Variants in NOL4 observed in about 807,000 individuals in gnomAD.
NOL4 encodes nucleolar protein 4, also known as cancer/testis antigen 125.
A neutral mutation model predicts 75.9 loss-of-function variants in NOL4; 17 were observed. The ratio of observed to expected loss-of-function variants is 0.22; its 90% CI spans 0.15 to 0.34. The LOEUF (loss-of-function observed/expected upper bound fraction) is 0.34, where lower values mean the gene tolerates loss of function less well. Ranked by LOEUF, NOL4 falls within the 10% of genes least tolerant of loss-of-function variation. NOL4 has a pLI of 1.00. For synonymous variants in NOL4, 292 were observed against 289.9 expected (o/e 1.01, Z -0.07); for missense variants, 614 against 793.5 (o/e 0.77, Z 2.72).
intron 1 of NOL4, among the ~76,000 whole-genome samples, chr18:34,138,845 T>A (rs916418964): frequency 6.6e-6 from 1 of 152,138 alleles, no homozygotes; most frequent in Non-Finnish European, 1.5e-5. Flanking sequence ...TTTTGAGATA[T>A]GTCCCATCAA....
At chr18:33,971,700 G>A (rs2071076972) in intron 6 of NOL4, among the ~76,000 whole-genome samples, 1 of 151,992 alleles carries the variant, frequency 6.6e-6, no homozygotes, top group African/African-American at 2.4e-5. Context: ...AAGTAAACCG[G>A]GGCACTGTTC....
intron 8 of NOL4, among the ~76,000 whole-genome samples, chr18:33,943,708 T>G (rs1356133729): frequency 6.6e-6 from 1 of 151,950 alleles, no homozygotes; most frequent in Non-Finnish European, 1.5e-5. Flanking sequence ...AATTAAAAAC[T>G]AAAAAGTCAG....
At chr18:34,120,438 G>T (rs1430982189) in intron 2 of NOL4, among the ~76,000 whole-genome samples, 3 of 152,052 alleles carry the variant, frequency 2.0e-5, no homozygotes, top group Non-Finnish European at 4.4e-5. Context: ...AGTCATAAAT[G>T]GATTATGACA....
At chr18:33,876,390 T>A (rs1481328731) in intron 10 of NOL4, among the ~76,000 whole-genome samples, 1 of 152,060 alleles carries the variant, frequency 6.6e-6, no homozygotes, top group Non-Finnish European at 1.5e-5. Context: ...AAATCATATG[T>A]AAGGTTAGTT....
At chr18:33,973,640 T>G (rs896930549) in intron 6 of NOL4, among the ~76,000 whole-genome samples, 2 of 152,226 alleles carry the variant, frequency 1.3e-5, no homozygotes, top group Non-Finnish European at 2.9e-5. Context: ...AGCTGCAAAA[T>G]GGATGTTGGT....
At chr18:34,217,748 G>A (rs1380806536) in intron 1 of NOL4, among the ~76,000 whole-genome samples, 1 of 151,756 alleles carries the variant, frequency 6.6e-6, no homozygotes, top group Admixed American at 6.6e-5. Flanking sequence ...ACATGCTTGT[G>A]TGTATGTGTG....
At chr18:34,168,703 G>A (rs1157535439) in intron 1 of NOL4, among the ~76,000 whole-genome samples, 2 of 151,686 alleles carry the variant, frequency 1.3e-5, no homozygotes, top group Middle Eastern at 3.5e-3. Flanking sequence ...ACTACAATAT[G>A]GTAGGAGTCA....
At chr18:34,191,667 T>C (rs1371615400) in intron 1 of NOL4, among the ~76,000 whole-genome samples, 1 of 152,172 alleles carries the variant, frequency 6.6e-6, no homozygotes, top group African/African-American at 2.4e-5. Context: ...GAAATAACTT[T>C]CCTGAAAGCC....
chr18:33,869,044 A>G (rs1284438254), intron 10 of NOL4, among the ~76,000 whole-genome samples: 1 of 152,062 alleles, frequency 6.6e-6, no homozygotes, highest in Non-Finnish European at 1.5e-5. Flanking sequence ...GCTGCTTCCT[A>G]TCACTATCAA....
intron 6 of NOL4, among the ~76,000 whole-genome samples, chr18:33,986,990 G>C (rs1029562710): frequency 6.6e-6 from 1 of 152,100 alleles, no homozygotes; most frequent in African/African-American, 2.4e-5. Context: ...ACAAAAAACA[G>C]GTTAGTGATT....
intron 1 of NOL4, among the ~76,000 whole-genome samples, chr18:34,148,336 C>T (rs2081497974): frequency 6.6e-6 from 1 of 152,124 alleles, no homozygotes; most frequent in African/African-American, 2.4e-5. Context: ...TTACAGCTTT[C>T]TGCTGTGGGC....
At chr18:34,175,516 T>A (rs899895661) in intron 1 of NOL4, among the ~76,000 whole-genome samples, 2 of 152,136 alleles carry the variant, frequency 1.3e-5, no homozygotes, top group African/African-American at 4.8e-5. Flanking sequence ...TGTACAGATA[T>A]ATGTGCATGC....
chr18:34,122,510 T>C (rs541177787), intron 2 of NOL4, among the ~76,000 whole-genome samples: 1 of 152,308 alleles, frequency 6.6e-6, no homozygotes, highest in Admixed American at 6.5e-5. Context: ...ACCATCTTTC[T>C]AGTCACATTA....
intron 8 of NOL4, among the ~76,000 whole-genome samples, chr18:33,954,281 CCT>C (rs2069479454): frequency 6.6e-6 from 1 of 152,038 alleles, no homozygotes; most frequent in Non-Finnish European, 1.5e-5. Flanking sequence ...GGCACAATCC[CCT>C]TATTTTTTCC....
chr18:34,095,633 C>G (rs2078743312), intron 4 of NOL4, among the ~76,000 whole-genome samples: 1 of 151,918 alleles, frequency 6.6e-6, no homozygotes, highest in Non-Finnish European at 1.5e-5. Context: ...AGGGCGTGTA[C>G]TATATTTAAA....
At chr18:34,045,124 G>C (rs1290709547) in intron 5 of NOL4, among the ~76,000 whole-genome samples, 2 of 151,964 alleles carry the variant, frequency 1.3e-5, no homozygotes, top group Non-Finnish European at 2.9e-5. Flanking sequence ...TGTTGACCAG[G>C]CTGGTCTTGA....
At chr18:34,138,103 T>C (rs1399231731) in intron 1 of NOL4, among the ~76,000 whole-genome samples, 2 of 152,030 alleles carry the variant, frequency 1.3e-5, no homozygotes, top group Non-Finnish European at 2.9e-5. Context: ...ATGTAGAAAA[T>C]AGGCAAATGT....
chr18:34,103,370 G>A (rs1454336997), intron 4 of NOL4, among the ~76,000 whole-genome samples: 1 of 151,976 alleles, frequency 6.6e-6, no homozygotes, highest in East Asian at 1.9e-4. Flanking sequence ...CTTTGACATA[G>A]CTTCAACCAA....
intron 1 of NOL4, among the ~76,000 whole-genome samples, chr18:34,193,034 A>G (rs1405974294): frequency 1.3e-5 from 2 of 152,184 alleles, no homozygotes; most frequent in African/African-American, 4.8e-5. Context: ...TCTAGTCTTT[A>G]TAAACTACCC....
Sources: gnomAD v4.1 joint callset for allele counts (sites outside exome capture counted in the v4.1 genomes callset) on GRCh38, gnomAD v4.1.1 for gene constraint, MANE v1.5 for transcripts, NCBI Gene and HGNC (gene_info 2026-07-23, HGNC 2026-07-21) for gene names.